Variants in UFL1 observed in about 807,000 individuals in gnomAD.
The protein encoded by UFL1 is UFM1 specific ligase 1, also known as E3 UFM1-protein ligase 1.
UFL1 carries 78 observed loss-of-function variants against 99.3 expected under a neutral mutation model. The observed-to-expected ratio is 0.79, with a 90% CI of 0.65 to 0.95. The LOEUF is 0.95. Among genes scored for constraint, UFL1 ranks in the 40% least tolerant of loss-of-function variants. The pLI, the probability that UFL1 is intolerant of heterozygous loss-of-function variation, is 0.00. For missense variants in UFL1, 936 were observed against 937.0 expected, an observed-to-expected ratio of 1.00 and a Z score of 0.01; for synonymous variants, 335 against 322.2, an observed-to-expected ratio of 1.04 and a Z score of -0.42.
chr6:96,543,051 G>A (rs775064745), intron 12 of UFL1, 35 bp downstream of exon 12: 1 of 1,557,314 alleles, frequency 6.4e-7, no homozygotes, highest in Admixed American at 2.0e-5. Context: ...CTTGGTGTAT[G>A]TGTGATATTT....
chr6:96,551,566 G>A (rs574949995), intron 16 of UFL1, 53 bp downstream of exon 16: 1 of 1,226,482 alleles, frequency 8.2e-7, no homozygotes, highest in African/African-American at 1.6e-5. Flanking sequence ...TTGTTACAAA[G>A]ATCTTTGAGT....
rs746813839 is a variant in UFL1 at position 96,554,441 on chromosome 6, C to T, written c.*938C>T. On this transcript the variant is annotated 3_prime_UTR_variant, in exon 19 of 19. Coordinates refer to ENST00000369278, the MANE Select transcript of UFL1 (RefSeq NM_015323.5). ...AGAAGCTTTTTTCCAAAACTAGAAA[C>T]CCTTATTAAAAAATAGACATTTTTT... The T allele has an allele frequency of 1.2e-4, 18 of 151,920 alleles. No individual in the cohort carries two copies. Among genetic ancestry groups the T allele is most frequent in the African/African-American group, 3.9e-4 (16 of 41,388 alleles). The allele number at this position is 151,920 out of a possible 1,614,324, so 9.4% of individuals were successfully genotyped here.
Position 96,540,575 on chromosome 6 carries a change from A to T in UFL1, c.1199A>T (p.Asp400Val). Reference sequence around the variant, plus strand: ...CCTGTGCATTTAATCACTGAAGAAGATCTGAAACAAATCTCCACTTTAGAA... The same window carrying T: ...CCTGTGCATTTAATCACTGAAGAAGTTCTGAAACAAATCTCCACTTTAGAA... ...NNPVHLITEE[D>V]LKQISTLESV... Residue 400 changes from aspartate to valine, a missense_variant, in exon 11 of 19, where the codon GAT becomes GTT. Physicochemically the swap from Asp to Val is radical, Grantham distance 152 (BLOSUM62 -3). Transcript: ENST00000369278. 1 of 1,607,122 alleles carries T rather than the reference A, an allele frequency of 6.2e-7. No individual in the cohort carries two copies. Among genetic ancestry groups the T allele is most frequent in the Non-Finnish European group, 8.5e-7 (1 of 1,176,462 alleles).
chr6:96,522,208 C>T (rs1204592963), intron 1 of UFL1, among the ~76,000 whole-genome samples: 3 of 152,160 alleles, frequency 2.0e-5, no homozygotes, highest in Non-Finnish European at 4.4e-5. Flanking sequence ...CCACCATGGA[C>T]GGGGCCGGTG....
rs543182037 is a variant in UFL1, at chr6:96,542,747, A to T, written c.1280-147A>T. The T allele has an allele frequency of 4.5e-5, 30 of 664,238 alleles. No individual in the cohort carries two copies. In the South Asian group the frequency reaches 1.1e-3, roughly 25 times the overall value. The allele number at this position is 664,238 out of a possible 1,614,324, so 41.1% of individuals were successfully genotyped here. On this transcript the variant is annotated intron_variant, in intron 11 of 18. Transcript: ENST00000369278. The stretch of plus-strand genomic sequence containing the variant: ...TGGATTTACTAAACTTTTAATAGGG[A>T]ACTCCAAATTTAAAAAGAGTCTAAA...
Position 96,551,628 on chromosome 6 carries a change from A to T in UFL1, c.1899+115A>T, listed in dbSNP as rs1369506435. The T allele has an allele frequency of 1.1e-5, 9 of 797,016 alleles. No individual in the cohort carries two copies. In the East Asian group the frequency reaches 2.6e-4, roughly 23 times the overall value. The allele number at this position is 797,016 out of a possible 1,614,324, so 49.4% of individuals were successfully genotyped here. On this transcript the variant is annotated intron_variant, in intron 16 of 18. Transcript: ENST00000369278. ...ATCCAATCTAAAACTAGTATTTTGC[A>T]CTCAGCTGCCTCTTTGAAATGAGAA...
intron 6 of UFL1, among the ~76,000 whole-genome samples, chr6:96,529,441 C>T (rs1183693062): frequency 6.6e-6 from 1 of 152,202 alleles, no homozygotes; most frequent in Non-Finnish European, 1.5e-5. Context: ...ACTTCTTAAT[C>T]CACCTATCTA....
chr6:96,550,310 T>C (rs796745165), intron 15 of UFL1, among the ~76,000 whole-genome samples: 36 of 151,894 alleles, frequency 2.4e-4, no homozygotes, highest in African/African-American at 8.7e-4. Context: ...TCCTTCTCCT[T>C]CTCTTTCTTC....
chr6:96,537,136 T>C (rs1769864797), intron 8 of UFL1, among the ~76,000 whole-genome samples: 1 of 151,780 alleles, frequency 6.6e-6, no homozygotes. Context: ...ACTGGGTTTT[T>C]TCCTTACGTT....
At chr6:96,542,853 A>C (rs375651470) in intron 11 of UFL1, 41 bp from the exon 12 acceptor site, 2 of 1,497,732 alleles carry the variant, frequency 1.3e-6, no homozygotes, top group Non-Finnish European at 1.8e-6. Flanking sequence ...AAAAATGATG[A>C]TTTAGTTAGG....
chr6:96,552,433 A>G, intron 17 of UFL1, 49 bp from the exon 18 acceptor site: 1 of 1,491,072 alleles, frequency 6.7e-7, no homozygotes, highest in Non-Finnish European at 8.9e-7. Context: ...AATTGGTGAG[A>G]ACTTCTTAAA....
At chr6:96,548,812 G>C (rs1390292804) in intron 13 of UFL1, among the ~76,000 whole-genome samples, 1 of 151,472 alleles carries the variant, frequency 6.6e-6, no homozygotes, top group Non-Finnish European at 1.5e-5. Context: ...TAACTAACCT[G>C]GTCATCCCTC....
rs372515271 is a variant in UFL1, at chr6:96,553,507, T to A, written c.*4T>A. On this transcript the variant is annotated 3_prime_UTR_variant, in exon 19 of 19. Coordinates refer to ENST00000369278, the MANE Select transcript of UFL1 (RefSeq NM_015323.5). Reference sequence around the variant, plus strand: ...ATCATCTGTGACGGAAGAGTAATGATCTTAATTTACATTTGTCATATAGTA... The same window carrying A: ...ATCATCTGTGACGGAAGAGTAATGAACTTAATTTACATTTGTCATATAGTA... 7 of 1,611,324 alleles carry A rather than the reference T, an allele frequency of 4.3e-6. No individual in the cohort carries two copies. Among genetic ancestry groups the A allele is most frequent in the African/African-American group, 2.7e-5 (2 of 74,728 alleles).
intron 9 of UFL1, 44 bp from the exon 10 acceptor site, chr6:96,538,587 T>G: frequency 1.3e-6 from 2 of 1,572,008 alleles, no homozygotes; most frequent in Non-Finnish European, 1.7e-6. Context: ...TTCACTGTAT[T>G]ATATTGCATT....
chr6:96,545,424 CTT>C (rs1182772898), intron 12 of UFL1, among the ~76,000 whole-genome samples: 1 of 150,796 alleles, frequency 6.6e-6, no homozygotes, highest in Non-Finnish European at 1.5e-5. Context: ...TGACTATAGA[CTT>C]ATTTTTGTGA....
At chr6:96,536,035 G>A (rs905873369) in intron 7 of UFL1, among the ~76,000 whole-genome samples, 1 of 151,860 alleles carries the variant, frequency 6.6e-6, no homozygotes, top group Non-Finnish European at 1.5e-5. Flanking sequence ...TTGCCAAAAT[G>A]CAAAACTTCC....
At chr6:96,532,326 T>C (rs921900310) in intron 6 of UFL1, among the ~76,000 whole-genome samples, 1 of 152,078 alleles carries the variant, frequency 6.6e-6, no homozygotes, top group Non-Finnish European at 1.5e-5. Context: ...ACATGAGAGG[T>C]TGTAACAATT....
At chr6:96,541,766 T>A (rs1467291270) in intron 11 of UFL1, among the ~76,000 whole-genome samples, 3 of 151,336 alleles carry the variant, frequency 2.0e-5, no homozygotes, top group Non-Finnish European at 3.0e-5. Flanking sequence ...AAGGGTCATT[T>A]GGTGTTTTAT....
Position 96,552,578 on chromosome 6 carries a change from T to G in UFL1, c.2082T>G (p.Phe694Leu). The G allele has an allele frequency of 1.2e-6, 2 of 1,613,520 alleles. No individual in the cohort carries two copies. The highest frequency in any genetic ancestry group is 1.7e-6 in the Non-Finnish European group (2 of 1,179,764). The change falls in exon 18 of 19, where the codon TTT becomes TTG. Residue 694 changes from phenylalanine to leucine, a missense_variant. Physicochemically the swap from Phe to Leu is conservative, Grantham distance 22. Coordinates refer to ENST00000369278, the MANE Select transcript of UFL1 (RefSeq NM_015323.5). ...TGCACCTCACATCAGTCCTGTTGTT[T>G]CAGTTTTCAACCCACAGCATGCTCC... ...LILHLTSVLL[F>L]QFSTHSMLHA... is the part of the protein sequence containing the mutation.
Sources: gnomAD v4.1 joint callset for allele counts (sites outside exome capture counted in the v4.1 genomes callset) on GRCh38, gnomAD v4.1.1 for gene constraint, MANE v1.5 for transcripts, NCBI Gene and HGNC (gene_info 2026-07-23, HGNC 2026-07-21) for gene names.